Variants in INCENP observed in about 807,000 individuals in gnomAD.
INCENP encodes the protein binds and activates aurora-B and -C in vivo and in vitro.
INCENP carries 43 observed loss-of-function variants against 107.3 expected under a neutral mutation model. That is an observed-to-expected ratio of 0.40 (90% confidence interval 0.31 to 0.52). INCENP has a LOEUF of 0.52. Among genes scored for constraint, INCENP ranks in the 20% least tolerant of loss-of-function variants. The pLI is 0.53. For synonymous variants in INCENP, 488 were observed against 494.4 expected (o/e 0.99, Z 0.17); for missense variants, 1,089 against 1,250.9 (o/e 0.87, Z 1.95).
At position 62,130,269 on chromosome 11, in the gene INCENP, G is replaced by A. The variant is rs1408394750; in HGVS notation, c.742G>A (p.Val248Ile). The change falls in exon 4 of 19, where the codon GTC becomes ATC. Residue 248 changes from valine (V) to isoleucine (I), a missense_variant. Val to Ile is a conservative substitution (Grantham distance 29, BLOSUM62 3). Coordinates refer to ENST00000394818, the MANE Select transcript of INCENP (RefSeq NM_001040694.2). ...ATPQDPKGQG[V>I]GTGRSASKLR... ...ACCCCAGGACCCCAAGGGTCAAGGGGTCGGGACGGGGCGGTCTGCGTCTAA... is the reference window on the plus strand; with the variant it reads ...ACCCCAGGACCCCAAGGGTCAAGGGATCGGGACGGGGCGGTCTGCGTCTAA... 6.2e-7 allele frequency: 1 copy of A among 1,613,028 alleles called. No homozygotes were observed. Among genetic ancestry groups the A allele is most frequent in the East Asian group, 2.2e-5 (1 of 44,876 alleles).
At chr11:62,132,359 G>C (rs73499224) in intron 4 of INCENP, among the ~76,000 whole-genome samples, 43 of 152,316 alleles carry the variant, frequency 2.8e-4, no homozygotes, top group African/African-American at 1.0e-3. Flanking sequence ...GGCAGGGCCT[G>C]TCAGGCAGGG....
rs1257096336 is a variant in INCENP, at chr11:62,146,670, C to T, written c.1972C>T (p.Arg658Trp). Residue 658 changes from arginine to tryptophan, a missense_variant, in exon 15 of 19, where the codon CGG becomes TGG. Transcript: ENST00000394818. ...CTCTCTGTTTCAGGAGGAGGAAGAG[C>T]GGCGGCACCAAGAGCTGCTGCAGAA... is the stretch of plus-strand genomic sequence containing the variant. ...LRWLQQEEEERRHQELLQKKK... is the reference protein window; with the variant it reads ...LRWLQQEEEEWRHQELLQKKK... 7.1e-6 allele frequency: 11 copies of T among 1,550,800 alleles called. No homozygotes were observed. The highest frequency in any genetic ancestry group is 1.4e-5 in the African/African-American group (1 of 73,018).
intron 11 of INCENP, among the ~76,000 whole-genome samples, chr11:62,142,299 C>A (rs1306461614): frequency 6.6e-6 from 1 of 152,230 alleles, no homozygotes; most frequent in Non-Finnish European, 1.5e-5. Context: ...GGCTTCCCAG[C>A]AGCTGGCCAG....
intron 7 of INCENP, among the ~76,000 whole-genome samples, chr11:62,139,356 G>A (rs1944062256): frequency 6.6e-6 from 1 of 152,066 alleles, no homozygotes; most frequent in Admixed American, 6.5e-5. Flanking sequence ...CACCCCACCT[G>A]GCCTCCTGCT....
At position 62,152,042 on chromosome 11, in the gene INCENP, T is replaced by A; in HGVS notation, c.*66T>A. 7.9e-7 allele frequency: 1 copy of A among 1,258,586 alleles called. No homozygotes were observed. Among genetic ancestry groups the A allele is most frequent in the Non-Finnish European group, 1.1e-6 (1 of 895,398 alleles). The allele number at this position is 1,258,586 out of a possible 1,614,324, so 78.0% of individuals were successfully genotyped here. On this transcript the variant is annotated 3_prime_UTR_variant, in exon 19 of 19. Transcript: ENST00000394818. ...ATGTCTATCTGTCTGTCTGTCGGTC[T>A]CTGTCTTGGTCTGTTGCCCTCCTTC...
rs1363389054 is a variant in INCENP, at chr11:62,153,065, G to C, written c.*1089G>C. 1 of 152,230 alleles carries C rather than the reference G, an allele frequency of 6.6e-6. No individual in the cohort carries two copies. Among genetic ancestry groups the C allele is most frequent in the African/African-American group, 2.4e-5 (1 of 41,450 alleles). 9.4% of individuals were successfully genotyped at this position (152,230 alleles called of 1,614,324 possible). ...TCCGAGGGCAGTGTTAAGTTGTGCAGCAGAGGCCCCTCCATGCAAAGCTGA... is the reference window on the plus strand; with the variant it reads ...TCCGAGGGCAGTGTTAAGTTGTGCACCAGAGGCCCCTCCATGCAAAGCTGA... On this transcript the variant is annotated 3_prime_UTR_variant, in exon 19 of 19. Transcript: ENST00000394818.
chr11:62,149,228 G>T (rs976683295), intron 17 of INCENP, among the ~76,000 whole-genome samples: 1 of 151,256 alleles, frequency 6.6e-6, no homozygotes. Context: ...CATACCATTT[G>T]GTGGCTTGAT....
chr11:62,147,190 A>T (rs765284604), intron 15 of INCENP, among the ~76,000 whole-genome samples: 1 of 152,130 alleles, frequency 6.6e-6, no homozygotes, highest in Non-Finnish European at 1.5e-5. Context: ...GGATGAGCTG[A>T]TATTTCTCAG....
Position 62,130,452 on chromosome 11 carries a change from G to C in INCENP, c.925G>C (p.Ala309Pro). The stretch of plus-strand genomic sequence containing the variant: ...TCAATCGGTGCGGCACAGCCCGATC[G>C]CCCCGTCTTCCCCGAGTCCCCAAGT... ...DSQSVRHSPI[A>P]PSSPSPQVLA... Residue 309 changes from alanine to proline, a missense_variant, in exon 4 of 19, where the codon GCC becomes CCC. By Grantham distance (27) the Ala-to-Pro change is conservative (BLOSUM62 -1). Coordinates refer to ENST00000394818, the MANE Select transcript of INCENP (RefSeq NM_001040694.2). 6.2e-7 allele frequency: 1 copy of C among 1,614,018 alleles called. No individual in the cohort carries two copies.
chr11:62,146,899 A>C lies in INCENP; in HGVS notation c.2201A>C (p.Glu734Ala), dbSNP rs1944263638. ...RRREQERLQAERELQEREKAL... is the reference protein window; with the variant it reads ...RRREQERLQAARELQEREKAL... ...CGGGAGCAGGAGCGGCTCCAGGCCG[A>C]GAGGTGAGGGACCTGCTGGCCCGCC... Residue 734 changes from glutamate (E) to alanine (A), a missense_variant, in exon 15 of 19, where the codon GAG becomes GCG. Physicochemically the swap from Glu to Ala is moderately radical, Grantham distance 107. Coordinates refer to ENST00000394818, the MANE Select transcript of INCENP (RefSeq NM_001040694.2). 1 of 1,601,204 alleles carries C rather than the reference A, an allele frequency of 6.2e-7. No homozygotes were observed. Among genetic ancestry groups the C allele is most frequent in the Non-Finnish European group, 8.5e-7 (1 of 1,178,762 alleles).
intron 8 of INCENP, 54 bp from the exon 9 acceptor site, chr11:62,140,650 T>C: frequency 6.9e-7 from 1 of 1,444,298 alleles, no homozygotes; most frequent in Non-Finnish European, 9.5e-7. Context: ...TTTGATGGGG[T>C]GTGGCTGGGC....
At position 62,128,157 on chromosome 11, in the gene INCENP, C is replaced by CCTT; in HGVS notation, c.-4_-3insTTC. On this transcript the variant is annotated 5_prime_UTR_variant, in exon 2 of 19. Coordinates refer to ENST00000394818, the MANE Select transcript of INCENP (RefSeq NM_001040694.2). Reference sequence around the variant, plus strand: ...TTGTCCCTGCCTTCACCAGACAGAGCCACCATGGGGACGACGGCCCCAGGG... The same window carrying CCTT: ...TTGTCCCTGCCTTCACCAGACAGAGCCTTCACCATGGGGACGACGGCCCCAGGG... The CCTT allele has an allele frequency of 6.2e-7, 1 of 1,614,038 alleles. No homozygotes were observed. The highest frequency in any genetic ancestry group is 1.1e-5 in the South Asian group (1 of 91,090).
chr11:62,150,162 G>A lies in INCENP; in HGVS notation c.2497G>A (p.Asp833Asn). The change falls in exon 18 of 19, where the codon GAT becomes AAT. Residue 833 changes from aspartate to asparagine, a missense_variant. Coordinates refer to ENST00000394818, the MANE Select transcript of INCENP (RefSeq NM_001040694.2). Reference sequence around the variant, plus strand: ...GGATCTGAATAGCGACGACTCCACCGATGATGAGGCCCATCCCCGGAAGCC... The same window carrying A: ...GGATCTGAATAGCGACGACTCCACCAATGATGAGGCCCATCCCCGGAAGCC... ...GMDLNSDDST[D>N]DEAHPRKPIP... The A allele has an allele frequency of 7.4e-6, 12 of 1,614,060 alleles. No individual in the cohort carries two copies. The highest frequency in any genetic ancestry group is 1.0e-5 in the Non-Finnish European group (12 of 1,180,002).
intron 7 of INCENP, 144 bp downstream of exon 7, chr11:62,139,149 A>T: frequency 1.6e-6 from 1 of 642,420 alleles, no homozygotes; most frequent in South Asian, 1.8e-5. Context: ...GGGTGCAGAG[A>T]TCCCTTTTGA....
intron 1 of INCENP, 92 bp from the exon 2 acceptor site, chr11:62,128,059 G>A: frequency 7.6e-7 from 1 of 1,309,920 alleles, no homozygotes; most frequent in Non-Finnish European, 1.1e-6. Flanking sequence ...GTTTGTGGTG[G>A]TTGTGGGTCA....
intron 4 of INCENP, among the ~76,000 whole-genome samples, chr11:62,136,131 T>C (rs894163450): frequency 3.9e-5 from 6 of 152,082 alleles, no homozygotes; most frequent in African/African-American, 1.4e-4. Context: ...CAGCACGTGG[T>C]GTTTTATTTT....
At chr11:62,137,728 G>T in intron 4 of INCENP, 104 bp from the exon 5 acceptor site, 1 of 943,002 alleles carries the variant, frequency 1.1e-6, no homozygotes, top group South Asian at 1.3e-5. Context: ...CTAGTGATGG[G>T]AGCAGTGGCC....
chr11:62,128,909 C>T, intron 3 of INCENP, 26 bp downstream of exon 3: 1 of 1,453,560 alleles, frequency 6.9e-7, no homozygotes. Flanking sequence ...GGAGAGTGAG[C>T]TGAGCAGTGG....
In INCENP at chr11:62,139,000, A is replaced by G; in HGVS notation, c.1286A>G (p.Gln429Arg). 6.2e-7 allele frequency: 1 copy of G among 1,612,060 alleles called. No homozygotes were observed. The highest frequency in any genetic ancestry group is 8.5e-7 in the Non-Finnish European group (1 of 1,178,230). The change falls in exon 7 of 19, where the codon CAG becomes CGG. Residue 429 changes from glutamine to arginine, a missense_variant. Transcript: ENST00000394818. ...AGCCCGGAAACACCCTCTGCAGGGC[A>G]GCAAGGTGAGGCTTCCTGACCTGCC... Reference protein sequence around the residue: ...ASSPETPSAGQQEAKTDQADG... With the variant: ...ASSPETPSAGRQEAKTDQADG...
Sources: gnomAD v4.1 joint callset for allele counts (sites outside exome capture counted in the v4.1 genomes callset) on GRCh38, gnomAD v4.1.1 for gene constraint, MANE v1.5 for transcripts, NCBI Gene and HGNC (gene_info 2026-07-23, HGNC 2026-07-21) for gene names.